The following TTC28 variants were observed in gnomAD, a reference collection of about 807,000 sequenced individuals.
TTC28 encodes the protein tetratricopeptide repeat domain 28, also known as tetratricopeptide repeat protein 28.
In TTC28, 61 loss-of-function variants were observed where a neutral mutation model predicts 198.0. The observed-to-expected ratio is 0.31, with a 90% CI of 0.25 to 0.38. TTC28 has a LOEUF of 0.38. Among genes scored for constraint, TTC28 ranks in the 10% least tolerant of loss-of-function variants. The probability of loss-of-function intolerance (pLI) is 1.00; values close to 1 mark genes in which losing one functional copy is unlikely to be tolerated. For synonymous variants in TTC28, 1,171 were observed against 1,297.8 expected (o/e 0.90, Z 2.10); for missense variants, 2,678 against 3,164.0 (o/e 0.85, Z 3.69).
chr22:28,002,271 A>C (rs1937732521), intron 14 of TTC28: 1 of 152,574 alleles, frequency 6.6e-6, no homozygotes, highest in African/African-American at 2.4e-5. Context: ...CAATCCTGGA[A>C]GCTGGGTCCA....
chr22:28,514,411 T>G (rs118057071), intron 2 of TTC28, among the ~76,000 whole-genome samples: 32 of 152,332 alleles, frequency 2.1e-4, no homozygotes, highest in East Asian at 1.7e-3. Context: ...CACTAAAATA[T>G]TCTCCCAGCT....
At chr22:28,353,577 G>A (rs1031080157) in intron 2 of TTC28, among the ~76,000 whole-genome samples, 8 of 152,008 alleles carry the variant, frequency 5.3e-5, no homozygotes, top group East Asian at 1.9e-4. Flanking sequence ...TTCAACAAGC[G>A]TACAAAAGAC....
intron 6 of TTC28, among the ~76,000 whole-genome samples, chr22:28,132,897 A>T (rs1943091927): frequency 6.6e-6 from 1 of 152,212 alleles, no homozygotes; most frequent in African/African-American, 2.4e-5. Flanking sequence ...TTAAATAAGG[A>T]CTTACTATAT....
At chr22:28,417,300 TAA>T (rs68164494) in intron 2 of TTC28, among the ~76,000 whole-genome samples, 4,724 of 44,242 alleles carry the variant, frequency 0.11, 121 homozygotes, top group Non-Finnish European at 0.13. Flanking sequence ...CTGTCTCTAC[TAA>T]AAAAAAAAAA....
chr22:28,029,511 G>T (rs1938985507), intron 13 of TTC28, among the ~76,000 whole-genome samples: 1 of 152,188 alleles, frequency 6.6e-6, no homozygotes, highest in Admixed American at 6.5e-5. Flanking sequence ...TTCCAAAGAG[G>T]TCTATCAAAA....
chr22:27,996,652 G>T (rs1341347792), intron 16 of TTC28, among the ~76,000 whole-genome samples: 3 of 151,064 alleles, frequency 2.0e-5, no homozygotes, highest in East Asian at 3.9e-4. Context: ...CCATGGGGAG[G>T]TGGGGAGCGG....
At chr22:28,274,976 T>TAAAAA (rs34582010) in intron 5 of TTC28, among the ~76,000 whole-genome samples, 18 of 77,876 alleles carry the variant, frequency 2.3e-4, no homozygotes, top group East Asian at 8.4e-4. Flanking sequence ...GAGACTGTCT[T>TAAAAA]AAAAAAAAAA....
At chr22:28,054,875 A>G (rs949268490) in intron 12 of TTC28, among the ~76,000 whole-genome samples, 11 of 152,222 alleles carry the variant, frequency 7.2e-5, no homozygotes, top group African/African-American at 2.4e-4. Flanking sequence ...GTTTGGTTAT[A>G]TAAAATCAAA....
At chr22:28,128,296 C>T (rs932517089) in intron 6 of TTC28, among the ~76,000 whole-genome samples, 4 of 151,158 alleles carry the variant, frequency 2.6e-5, no homozygotes, top group Non-Finnish European at 4.4e-5. Context: ...CCAGCCTGGG[C>T]AACAGAGCAA....
chr22:28,012,437 A>G (rs1485239349), intron 14 of TTC28, among the ~76,000 whole-genome samples: 1 of 152,186 alleles, frequency 6.6e-6, no homozygotes, highest in Admixed American at 6.5e-5. Context: ...GGCACTCGGA[A>G]GAGGTATCTG....
chr22:28,010,105 G>T (rs1263913857), intron 14 of TTC28, among the ~76,000 whole-genome samples: 1 of 152,200 alleles, frequency 6.6e-6, no homozygotes, highest in Admixed American at 6.5e-5. Flanking sequence ...ACTGCAGCCT[G>T]TGGGCGGGTT....
chr22:28,355,828 T>C (rs1225453559), intron 2 of TTC28, among the ~76,000 whole-genome samples: 1 of 152,178 alleles, frequency 6.6e-6, no homozygotes, highest in Non-Finnish European at 1.5e-5. Flanking sequence ...TCACCCTGCT[T>C]TACTATGGAG....
At chr22:28,142,853 A>G (rs1943373700) in intron 6 of TTC28, among the ~76,000 whole-genome samples, 1 of 152,188 alleles carries the variant, frequency 6.6e-6, no homozygotes, top group Non-Finnish European at 1.5e-5. Context: ...CACCACCACC[A>G]TGAGAGTCCC....
intron 6 of TTC28, among the ~76,000 whole-genome samples, chr22:28,153,407 A>C (rs962289183): frequency 1.3e-5 from 2 of 150,708 alleles, no homozygotes; most frequent in Non-Finnish European, 3.0e-5. Flanking sequence ...AAAAAAAAAA[A>C]AAAAAAAAAA....
At chr22:27,984,103 G>T (rs758140371) in intron 22 of TTC28, among the ~76,000 whole-genome samples, 15 of 152,068 alleles carry the variant, frequency 9.9e-5, no homozygotes, top group Non-Finnish European at 2.1e-4. Flanking sequence ...TCTCCACTCT[G>T]CTCCCTGTCA....
chr22:28,038,048 G>C (rs1406922614), intron 12 of TTC28, among the ~76,000 whole-genome samples: 1 of 152,200 alleles, frequency 6.6e-6, no homozygotes, highest in Non-Finnish European at 1.5e-5. Context: ...AACATTCCAT[G>C]CTCATGGACA....
At chr22:28,014,806 G>T (rs1349233055) in intron 13 of TTC28, among the ~76,000 whole-genome samples, 1 of 152,312 alleles carries the variant, frequency 6.6e-6, no homozygotes, top group Middle Eastern at 3.4e-3. Context: ...GCTGCAAACA[G>T]GACAAAGAGC....
At chr22:28,244,038 G>C (rs918950429) in intron 5 of TTC28, among the ~76,000 whole-genome samples, 1 of 152,112 alleles carries the variant, frequency 6.6e-6, no homozygotes, top group Admixed American at 6.5e-5. Context: ...CAGAATCTAA[G>C]ATGTCACTGA....
chr22:28,503,169 G>A (rs112603608), intron 2 of TTC28, among the ~76,000 whole-genome samples: 2,205 of 151,952 alleles, frequency 0.015, 23 homozygotes, highest in Non-Finnish European at 0.022. Flanking sequence ...AGCTGCATAC[G>A]CCGCTCCCTC....
Sources: gnomAD v4.1 joint callset for allele counts (sites outside exome capture counted in the v4.1 genomes callset) on GRCh38, gnomAD v4.1.1 for gene constraint, MANE v1.5 for transcripts, NCBI Gene and HGNC (gene_info 2026-07-23, HGNC 2026-07-21) for gene names.